GRM7: variants seen among roughly 807,000 people sequenced by gnomAD.
GRM7 encodes glutamate metabotropic receptor 7.
Under a neutral mutation model 84.5 loss-of-function variants are expected in GRM7, and 35 were observed. That is an observed-to-expected ratio of 0.41 (90% confidence interval 0.32 to 0.55). The LOEUF is 0.55. Among genes scored for constraint, GRM7 ranks in the 20% least tolerant of loss-of-function variants. The pLI is 0.19. For missense variants in GRM7, 1,003 were observed against 1,194.6 expected, an observed-to-expected ratio of 0.84 and a Z score of 2.36; for synonymous variants, 487 against 455.1, an observed-to-expected ratio of 1.07 and a Z score of -0.89.
chr3:7,068,452 A>G (rs1437855880), intron 1 of GRM7, among the ~76,000 whole-genome samples: 1 of 152,038 alleles, frequency 6.6e-6, no homozygotes, highest in Non-Finnish European at 1.5e-5. Flanking sequence ...TGATTTCAAC[A>G]AACTGTTTTT....
At chr3:7,071,936 G>A (rs903772939) in intron 1 of GRM7, among the ~76,000 whole-genome samples, 3 of 151,628 alleles carry the variant, frequency 2.0e-5, no homozygotes, top group Admixed American at 6.6e-5. Context: ...CTCAGAGAAC[G>A]GTCTACCAAA....
chr3:7,612,039 C>T (rs1373748268), intron 8 of GRM7, among the ~76,000 whole-genome samples: 2 of 152,028 alleles, frequency 1.3e-5, no homozygotes, highest in African/African-American at 4.8e-5. Flanking sequence ...CAGATTTCTC[C>T]TGTATCTCTA....
At chr3:7,520,800 T>C (rs1700566529) in intron 7 of GRM7, among the ~76,000 whole-genome samples, 1 of 152,212 alleles carries the variant, frequency 6.6e-6, no homozygotes, top group African/African-American at 2.4e-5. Context: ...ACTTGTGTAT[T>C]TTCCTGAGTG....
chr3:6,956,461 A>C, intron 1 of GRM7: 1 of 438,254 alleles, frequency 2.3e-6, no homozygotes, highest in South Asian at 1.6e-5. Context: ...AAACGCCGGC[A>C]CCATGTTTTT....
At chr3:7,593,482 C>T (rs1305096222) in intron 8 of GRM7, among the ~76,000 whole-genome samples, 2 of 152,088 alleles carry the variant, frequency 1.3e-5, no homozygotes, top group Non-Finnish European at 2.9e-5. Context: ...TAGAAAATGA[C>T]AAGAAGACAT....
chr3:7,293,876 G>A (rs1699723909), intron 2 of GRM7, among the ~76,000 whole-genome samples: 1 of 152,058 alleles, frequency 6.6e-6, no homozygotes, highest in Non-Finnish European at 1.5e-5. Flanking sequence ...ATTCTTTTAT[G>A]GATCTGAGAC....
intron 1 of GRM7, among the ~76,000 whole-genome samples, chr3:7,102,836 C>T (rs576674466): frequency 9.5e-4 from 145 of 151,866 alleles, no homozygotes; most frequent in African/African-American, 3.3e-3. Flanking sequence ...TTCTGTTAAG[C>T]CATTCCAGTA....
intron 7 of GRM7, among the ~76,000 whole-genome samples, chr3:7,499,809 C>G (rs1450459951): frequency 6.7e-6 from 1 of 148,422 alleles, no homozygotes; most frequent in Non-Finnish European, 1.5e-5. Context: ...GAGTCTTGCT[C>G]TGTCGCCCAG....
chr3:7,275,241 C>G (rs9833636), intron 2 of GRM7, among the ~76,000 whole-genome samples: 58,982 of 151,966 alleles, frequency 0.39, 11,799 homozygotes, highest in Middle Eastern at 0.51. Flanking sequence ...GTTTTAAATA[C>G]GTGCTTCAAT....
At chr3:7,692,758 T>C (rs1700855929) in intron 9 of GRM7, among the ~76,000 whole-genome samples, 1 of 152,158 alleles carries the variant, frequency 6.6e-6, no homozygotes, top group African/African-American at 2.4e-5. Flanking sequence ...TCAGGTCTCA[T>C]GACCAGAGGT....
intron 2 of GRM7, among the ~76,000 whole-genome samples, chr3:7,177,305 A>G (rs1408490245): frequency 6.6e-6 from 1 of 152,176 alleles, no homozygotes; most frequent in Non-Finnish European, 1.5e-5. Flanking sequence ...CTAGAATGAC[A>G]GGCACCACTT....
At chr3:7,646,429 T>A (rs1698642284) in intron 8 of GRM7, among the ~76,000 whole-genome samples, 1 of 151,906 alleles carries the variant, frequency 6.6e-6, no homozygotes, top group African/African-American at 2.4e-5. Flanking sequence ...CCTGACCTGA[T>A]GATCCACCTG....
intron 4 of GRM7, among the ~76,000 whole-genome samples, chr3:7,399,925 C>G (rs1266357207): frequency 6.6e-6 from 1 of 152,156 alleles, no homozygotes; most frequent in African/African-American, 2.4e-5. Flanking sequence ...ATCACTTGCG[C>G]AGCCTCAGGT....
intron 4 of GRM7, among the ~76,000 whole-genome samples, chr3:7,331,780 G>C: frequency 6.6e-6 from 1 of 152,002 alleles, no homozygotes; most frequent in Middle Eastern, 3.2e-3. Flanking sequence ...TTTCCCCCTA[G>C]GTAAACAGCA....
chr3:7,409,907 C>G (rs1402213419), intron 4 of GRM7, among the ~76,000 whole-genome samples: 1 of 152,102 alleles, frequency 6.6e-6, no homozygotes, highest in East Asian at 1.9e-4. Context: ...GCCAACTTCC[C>G]TGTTTTTAGT....
intron 2 of GRM7, among the ~76,000 whole-genome samples, chr3:7,170,753 T>C (rs1181259614): frequency 6.6e-6 from 1 of 152,062 alleles, no homozygotes; most frequent in African/African-American, 2.4e-5. Flanking sequence ...AGGGTAAGGG[T>C]AGTCTGTCAG....
intron 9 of GRM7, among the ~76,000 whole-genome samples, chr3:7,700,625 G>A (rs1285221327): frequency 6.6e-6 from 1 of 152,128 alleles, no homozygotes; most frequent in African/African-American, 2.4e-5. Context: ...TTATTCAGAA[G>A]CAAGTTGTAA....
At chr3:6,864,436 C>A (rs1694873125) in intron 1 of GRM7, among the ~76,000 whole-genome samples, 1 of 152,086 alleles carries the variant, frequency 6.6e-6, no homozygotes, top group Non-Finnish European at 1.5e-5. Context: ...GTCTATAAGC[C>A]TGCAAAATGA....
intron 1 of GRM7, among the ~76,000 whole-genome samples, chr3:7,064,489 TACATATATATATACAC>T (rs1697566614): frequency 1.2e-4 from 11 of 92,444 alleles, no homozygotes; most frequent in African/African-American, 2.0e-4. Flanking sequence ...TACACACATA[TACATATATATATACAC>T]ATATATATAT....
Sources: allele counts gnomAD v4.1 joint callset (sites outside exome capture counted in the v4.1 genomes callset), GRCh38; gene constraint gnomAD v4.1.1; transcripts MANE v1.5; gene names NCBI Gene and HGNC (gene_info 2026-07-23, HGNC 2026-07-21).